SHC4: variants seen among roughly 807,000 people sequenced by gnomAD.
The protein encoded by SHC4 is SHC adaptor protein 4.
In SHC4, 41 loss-of-function variants were observed where a neutral mutation model predicts 69.4. The observed-to-expected ratio is 0.59, with a 90% CI of 0.46 to 0.77. The LOEUF is 0.77. Ranked by LOEUF, SHC4 falls within the 30% of genes least tolerant of loss-of-function variation. The probability of loss-of-function intolerance (pLI) is 0.00; values close to 1 mark genes in which losing one functional copy is unlikely to be tolerated. For missense variants in SHC4, 777 were observed against 783.8 expected, an observed-to-expected ratio of 0.99 and a Z score of 0.10; for synonymous variants, 318 against 299.3, an observed-to-expected ratio of 1.06 and a Z score of -0.64.
rs957858792 is a variant in SHC4, at chr15:48,962,293, C to T, written c.585+138G>A. ...TAGGGACATATATAAACCCAGCTCCCCTCCGCCTTGGTCCAGTTGAATCAT... is the reference window on the plus strand; with the variant it reads ...TAGGGACATATATAAACCCAGCTCCTCTCCGCCTTGGTCCAGTTGAATCAT... On this transcript the variant is annotated intron_variant, in intron 1 of 11. Transcript: ENST00000332408. 6.9e-6 allele frequency: 6 copies of T among 871,398 alleles called. No individual in the cohort carries two copies. The South Asian group carries it at 1.1e-4, about 16-fold the overall frequency. 54.0% of individuals were successfully genotyped at this position (871,398 alleles called of 1,614,324 possible). A position where few individuals can be genotyped will look rare whatever the true frequency, so the allele number is the denominator to read the frequency against.
At chr15:48,833,667 G>A (rs1452849106) in intron 11 of SHC4, among the ~76,000 whole-genome samples, 2 of 152,122 alleles carry the variant, frequency 1.3e-5, no homozygotes, top group Non-Finnish European at 2.9e-5. Flanking sequence ...CATGTGAAGT[G>A]AGACAGAAAC....
rs143553178 is a variant in SHC4 at position 48,940,461 on chromosome 15, C to T, written c.586-15512G>A. 6.3e-3 allele frequency among the ~76,000 whole-genome samples: 956 copies of T among 152,298 alleles called. 7 individuals are homozygous for T. Among genetic ancestry groups the T allele is most frequent in the African/African-American group, 0.022 (930 of 41,560 alleles). ...TAATTAAATATTTACTGGAGGAACT[C>T]TGTGTATTCACAAATGAGAGCATCT... On this transcript the variant is annotated intron_variant, in intron 1 of 11. Transcript: ENST00000332408.
chr15:48,874,937 T>C (rs1338261947), intron 4 of SHC4, among the ~76,000 whole-genome samples: 2 of 152,332 alleles, frequency 1.3e-5, no homozygotes, highest in East Asian at 1.9e-4. Flanking sequence ...TCCTGCACCA[T>C]GCACTTTCTC....
rs757660207 is a variant in SHC4 at position 48,962,546 on chromosome 15, G to A, written c.470C>T (p.Ala157Val). 22 of 1,607,308 alleles carry A rather than the reference G, an allele frequency of 1.4e-5. No homozygotes were observed. The highest frequency in any genetic ancestry group is 1.7e-4 in the Middle Eastern group (1 of 6,034). The part of the protein sequence containing the change: ...QQDLVGHRAT[A>V]LTPDSCPLPG... Reference sequence around the variant, plus strand: ...AAGCGGGCACGAATCAGGGGTTAGGGCGGTTGCCCTGTGTCCCACCAGGTC... The same window carrying A: ...AAGCGGGCACGAATCAGGGGTTAGGACGGTTGCCCTGTGTCCCACCAGGTC... The change falls in exon 1 of 12, where the codon GCC becomes GTC. Residue 157 changes from alanine (A) to valine (V), a missense_variant. Ala to Val is a moderately conservative substitution (Grantham distance 64). Coordinates refer to ENST00000332408, the MANE Select transcript of SHC4 (RefSeq NM_203349.4).
chr15:48,900,745 G>C (rs1900306920), intron 2 of SHC4, among the ~76,000 whole-genome samples: 1 of 152,042 alleles, frequency 6.6e-6, no homozygotes, highest in African/African-American at 2.4e-5. Flanking sequence ...CTGCACATTG[G>C]ACTACACCAC....
intron 1 of SHC4, among the ~76,000 whole-genome samples, chr15:48,932,463 C>A (rs368302112): frequency 2.0e-5 from 3 of 152,302 alleles, no homozygotes; most frequent in African/African-American, 7.2e-5. Context: ...CAGGGCCTCT[C>A]ATGATTTGGC....
chr15:48,860,394 T>C (rs1435862446), intron 6 of SHC4, among the ~76,000 whole-genome samples: 3 of 151,778 alleles, frequency 2.0e-5, no homozygotes, highest in African/African-American at 7.3e-5. Context: ...GTAATCCCAG[T>C]TACTTGGGAG....
intron 1 of SHC4, among the ~76,000 whole-genome samples, chr15:48,955,852 A>G (rs1291274854): frequency 3.3e-5 from 5 of 152,200 alleles, no homozygotes; most frequent in Admixed American, 2.6e-4. Flanking sequence ...CTGTACACAG[A>G]ACTGGGAGCT....
chr15:48,962,451 C>A lies in SHC4; in HGVS notation c.565G>T (p.Gly189Cys). 1 of 1,522,440 alleles carries A rather than the reference C, an allele frequency of 6.6e-7. No individual in the cohort carries two copies. The highest frequency in any genetic ancestry group is 8.8e-7 in the Non-Finnish European group (1 of 1,136,722). The allele number at this position is 1,522,440 out of a possible 1,614,324, so 94.3% of individuals were successfully genotyped here. A position where few individuals can be genotyped will look rare whatever the true frequency, so the allele number is the denominator to read the frequency against. ...RHFLQHLLGM[G>C]MNYCVRYMGC... The stretch of plus-strand genomic sequence containing the variant: ...CTTACCCTCACACAGTAGTTCATGC[C>A]CATCCCCAACAGGTGCTGTAGAAAG... Residue 189 changes from glycine to cysteine, a missense_variant, in exon 1 of 12, where the codon GGC (glycine) becomes TGC (cysteine). Coordinates refer to ENST00000332408, the MANE Select transcript of SHC4 (RefSeq NM_203349.4).
intron 2 of SHC4, among the ~76,000 whole-genome samples, chr15:48,905,910 A>C (rs140993991): frequency 2.2e-4 from 34 of 152,346 alleles, no homozygotes; most frequent in Non-Finnish European, 4.0e-4. Context: ...ATAAATTAGC[A>C]GGCCCTGCTT....
rs990384973 is a variant in SHC4 at position 48,889,766 on chromosome 15, T to C, written c.720+982A>G. ...GGCTGAGGCAGGAGAATGGCTTGAA[T>C]CCGGGAGGCGGAGCTTGCAGTGAGC... On this transcript the variant is annotated intron_variant, in intron 3 of 11. Coordinates refer to ENST00000332408, the MANE Select transcript of SHC4 (RefSeq NM_203349.4). 4.5e-4 allele frequency among the ~76,000 whole-genome samples: 68 copies of C among 152,072 alleles called. 1 individual carries two copies. Among genetic ancestry groups the C allele is most frequent in the African/African-American group, 1.6e-3 (67 of 41,494 alleles).
chr15:48,837,180 G>A (rs1010156802), intron 10 of SHC4, among the ~76,000 whole-genome samples: 4 of 152,172 alleles, frequency 2.6e-5, no homozygotes, highest in Non-Finnish European at 5.9e-5. Context: ...TAGAAAAAGA[G>A]ACATTATATC....
At chr15:48,928,644 C>T (rs973907481) in intron 1 of SHC4, among the ~76,000 whole-genome samples, 3 of 152,128 alleles carry the variant, frequency 2.0e-5, no homozygotes, top group Admixed American at 6.6e-5. Flanking sequence ...TCCACGGTGT[C>T]GTTCTTAATC....
chr15:48,959,663 G>T (rs1785822538), intron 1 of SHC4, among the ~76,000 whole-genome samples: 1 of 152,158 alleles, frequency 6.6e-6, no homozygotes, highest in Non-Finnish European at 1.5e-5. Context: ...ACCAAGCAAG[G>T]TTTGATTTAA....
intron 1 of SHC4, among the ~76,000 whole-genome samples, chr15:48,927,863 G>T (rs1900884162): frequency 6.6e-6 from 1 of 152,102 alleles, no homozygotes; most frequent in South Asian, 2.1e-4. Flanking sequence ...ATCACTGATT[G>T]ATTATTGGTT....
chr15:48,957,023 G>A (rs1211472657), intron 1 of SHC4, among the ~76,000 whole-genome samples: 1 of 126,156 alleles, frequency 7.9e-6, no homozygotes, highest in East Asian at 2.5e-4. Flanking sequence ...TGTCGCCCAG[G>A]CTGCAGTGTA....
intron 2 of SHC4, among the ~76,000 whole-genome samples, chr15:48,891,948 G>A (rs1900144739): frequency 6.6e-6 from 1 of 152,062 alleles, no homozygotes; most frequent in African/African-American, 2.4e-5. Context: ...TCCGCTTCCC[G>A]GGTTCATGCC....
rs1271498408 is a variant in SHC4 at position 48,932,879 on chromosome 15, A to G, written c.586-7930T>C. Among the ~76,000 whole-genome samples the G allele has an allele frequency of 7.2e-5, 11 of 152,290 alleles. No homozygotes were observed. The East Asian group carries it at 1.5e-3, about 21-fold the overall frequency. On this transcript the variant is annotated intron_variant, in intron 1 of 11. Coordinates refer to ENST00000332408, the MANE Select transcript of SHC4 (RefSeq NM_203349.4). ...TTTGTATCCTCTGTGTAAAGCCTGG[A>G]TCAACAATATTCTTGAGATGAGCAA...
intron 2 of SHC4, among the ~76,000 whole-genome samples, chr15:48,908,517 G>A (rs1220368371): frequency 6.6e-6 from 1 of 152,178 alleles, no homozygotes; most frequent in African/African-American, 2.4e-5. Flanking sequence ...TTACTCTGCT[G>A]ACTGTTCCTT....
Sources: gnomAD v4.1 joint callset for allele counts (sites outside exome capture counted in the v4.1 genomes callset) on GRCh38, gnomAD v4.1.1 for gene constraint, MANE v1.5 for transcripts, NCBI Gene and HGNC (gene_info 2026-07-23, HGNC 2026-07-21) for gene names.